PRORP: variants seen among roughly 807,000 people sequenced by gnomAD.
PRORP encodes protein only RNase P catalytic subunit.
A neutral mutation model predicts 59.4 loss-of-function variants in PRORP; 51 were observed. The observed-to-expected ratio is 0.86, with a 90% CI of 0.69 to 1.08. The LOEUF (loss-of-function observed/expected upper bound fraction) is 1.08. Among genes scored for constraint, PRORP ranks in the 50% least tolerant of loss-of-function variants. The probability of loss-of-function intolerance (pLI) is 0.00; values close to 1 mark genes in which losing one functional copy is unlikely to be tolerated. For missense variants in PRORP, 646 were observed against 690.3 expected, an observed-to-expected ratio of 0.94 and a Z score of 0.72; for synonymous variants, 231 against 245.6, an observed-to-expected ratio of 0.94 and a Z score of 0.55.
chr14:35,270,371 T>C, intron 6 of PRORP, 30 bp from the exon 7 acceptor site: 2 of 1,603,152 alleles, frequency 1.2e-6, no homozygotes, highest in Non-Finnish European at 1.7e-6. Flanking sequence ...CAGCTGTGCT[T>C]GATTGTGTCC....
At chr14:35,235,461 C>T (rs17113838) in intron 5 of PRORP, 112,067 of 648,082 alleles carry the variant, frequency 0.17, 10,938 homozygotes, top group East Asian at 0.35. Flanking sequence ...TGACACAAGG[C>T]AAGCAGGAAG....
At chr14:35,273,007 A>G (rs1228267733) in intron 7 of PRORP, among the ~76,000 whole-genome samples, 1 of 152,106 alleles carries the variant, frequency 6.6e-6, no homozygotes, top group Non-Finnish European at 1.5e-5. Flanking sequence ...AAGTCTGTAC[A>G]TGTTCAGAAC....
chr14:35,190,570 A>G (rs2048858144), intron 5 of PRORP, among the ~76,000 whole-genome samples: 1 of 151,816 alleles, frequency 6.6e-6, no homozygotes, highest in South Asian at 2.1e-4. Context: ...CAGTGGCATG[A>G]TCTTGGCTCA....
chr14:35,126,291 G>C (rs78464258), intron 2 of PRORP, among the ~76,000 whole-genome samples: 4 of 152,184 alleles, frequency 2.6e-5, no homozygotes, highest in Non-Finnish European at 4.4e-5. Context: ...CTTCCAAATA[G>C]GCTAGGCATT....
chr14:35,255,253 A>G (rs564844422), intron 5 of PRORP, among the ~76,000 whole-genome samples: 39 of 151,948 alleles, frequency 2.6e-4, no homozygotes, highest in Non-Finnish European at 4.7e-4. Context: ...TCAGCCTCCC[A>G]AGTAGCTGGG....
At chr14:35,247,453 G>C (rs1378844462) in intron 5 of PRORP, among the ~76,000 whole-genome samples, 1 of 152,132 alleles carries the variant, frequency 6.6e-6, no homozygotes, top group Non-Finnish European at 1.5e-5. Context: ...GTGTACAACT[G>C]TGTGGGGCTT....
chr14:35,270,576 G>A lies in PRORP; in HGVS notation c.1600G>A (p.Gly534Arg), dbSNP rs1200181029. 6.2e-7 allele frequency: 1 copy of A among 1,614,016 alleles called. No homozygotes were observed. The highest frequency in any genetic ancestry group is 8.5e-7 in the Non-Finnish European group (1 of 1,180,034). The change falls in exon 7 of 8, where the codon GGA becomes AGA. Residue 534 changes from glycine to arginine, a missense_variant. Coordinates refer to ENST00000534898, the MANE Select transcript of PRORP (RefSeq NM_014672.4). ...HQLAIVNRFP[G>R]SKLTFQRILS... ...GCTGGCAATTGTAAATAGGTTTCCA[G>A]GATCAAAACTAACCTTTCAGGTAAT...
chr14:35,174,422 C>T (rs189391422), intron 4 of PRORP, among the ~76,000 whole-genome samples: 16 of 152,160 alleles, frequency 1.1e-4, no homozygotes, highest in Admixed American at 7.9e-4. Context: ...TTATTGACTT[C>T]GTTTATTTTC....
intron 5 of PRORP, among the ~76,000 whole-genome samples, chr14:35,217,117 A>C (rs2049619830): frequency 6.6e-6 from 1 of 152,112 alleles, no homozygotes; most frequent in Non-Finnish European, 1.5e-5. Context: ...CTTGAAGATG[A>C]CTTTTGAAGC....
At chr14:35,228,619 G>C (rs1302785289) in intron 5 of PRORP, among the ~76,000 whole-genome samples, 1 of 152,196 alleles carries the variant, frequency 6.6e-6, no homozygotes, top group African/African-American at 2.4e-5. Flanking sequence ...CATCCATGTT[G>C]CTGCGAAGGA....
chr14:35,121,965 A>C (rs1351989490), upstream of PRORP: 2 of 1,613,906 alleles, frequency 1.2e-6, no homozygotes, highest in Non-Finnish European at 1.7e-6. Context: ...TCCATGGCCG[A>C]CTTCCGCGCA....
intron 4 of PRORP, among the ~76,000 whole-genome samples, chr14:35,153,664 A>G (rs377698685): frequency 1.3e-5 from 2 of 152,222 alleles, no homozygotes; most frequent in South Asian, 4.1e-4. Flanking sequence ...ACTGTATACT[A>G]TATTTCTGAC....
chr14:35,178,365 G>A lies in PRORP; in HGVS notation c.1168-2305G>A, dbSNP rs575492924. Among the ~76,000 whole-genome samples, 3 of 152,278 alleles carry A rather than the reference G, an allele frequency of 2.0e-5. No individual in the cohort carries two copies. The South Asian group carries it at 6.2e-4, about 32-fold the overall frequency. On this transcript the variant is annotated intron_variant, in intron 4 of 7. Transcript: ENST00000534898. ...AGTGTTAAAGTCTCCCATTATTATT[G>A]TGTGGGTGTCTAAGTCTCTTTGTAA...
At chr14:35,262,987 A>G (rs1338036561) in intron 5 of PRORP, 2 of 1,597,876 alleles carry the variant, frequency 1.3e-6, no homozygotes, top group Admixed American at 1.7e-5. Context: ...AAATTTTTGG[A>G]TGGTATCTAT....
intron 4 of PRORP, among the ~76,000 whole-genome samples, chr14:35,168,609 A>T (rs1165297886): frequency 6.6e-6 from 1 of 152,106 alleles, no homozygotes; most frequent in East Asian, 1.9e-4. Context: ...TTAAAAAAAA[A>T]TAATAAAAAA....
Position 35,149,019 on chromosome 14 carries a change from C to T in PRORP, c.1167+21408C>T, listed in dbSNP as rs1358657133. 5.5e-5 allele frequency among the ~76,000 whole-genome samples: 8 copies of T among 145,676 alleles called. No homozygotes were observed. The South Asian group carries it at 8.8e-4, about 16-fold the overall frequency. The stretch of plus-strand genomic sequence containing the variant: ...CTGCAAGCTCCGCCTCCCAGGTTCA[C>T]GCCATTCTCCTGCCTCAGCCTCCCG... On this transcript the variant is annotated intron_variant, in intron 4 of 7. Coordinates refer to ENST00000534898, the MANE Select transcript of PRORP (RefSeq NM_014672.4).
rs2047652242 is a variant in PRORP at position 35,148,002 on chromosome 14, T to C, written c.1167+20391T>C. Among the ~76,000 whole-genome samples the C allele has an allele frequency of 3.3e-5, 5 of 152,372 alleles. No homozygotes were observed. The South Asian group carries it at 1.0e-3, about 32-fold the overall frequency. ...GCTCCACTTCTAATTCTAGTTCTCTTGCTATTTCCACCATATCTGCAGTTC... is the reference window on the plus strand; with the variant it reads ...GCTCCACTTCTAATTCTAGTTCTCTCGCTATTTCCACCATATCTGCAGTTC... On this transcript the variant is annotated intron_variant, in intron 4 of 7. Coordinates refer to ENST00000534898, the MANE Select transcript of PRORP (RefSeq NM_014672.4).
chr14:35,218,743 C>G (rs1442035651), intron 5 of PRORP, among the ~76,000 whole-genome samples: 4 of 151,906 alleles, frequency 2.6e-5, no homozygotes, highest in African/African-American at 4.8e-5. Flanking sequence ...CCAGGCTGGT[C>G]TTGAACTCCT....
At chr14:35,234,420 C>T (rs1312713535) in intron 5 of PRORP, among the ~76,000 whole-genome samples, 1 of 152,134 alleles carries the variant, frequency 6.6e-6, no homozygotes, top group Admixed American at 6.6e-5. Context: ...TTTAAGATAG[C>T]TTTGTTTGTC....
Sources: allele counts gnomAD v4.1 joint callset (sites outside exome capture counted in the v4.1 genomes callset), GRCh38; gene constraint gnomAD v4.1.1; transcripts MANE v1.5; gene names NCBI Gene and HGNC (gene_info 2026-07-23, HGNC 2026-07-21).